SPATA16: variants seen among roughly 807,000 people sequenced by gnomAD.
SPATA16 encodes spermatogenesis-associated protein 16.
Under a neutral mutation model 63.3 loss-of-function variants are expected in SPATA16, and 36 were observed. The ratio of observed to expected loss-of-function variants is 0.57; its 90% CI spans 0.44 to 0.75. The LOEUF (loss-of-function observed/expected upper bound fraction) is 0.75. Ranked by LOEUF, SPATA16 falls within the 30% of genes least tolerant of loss-of-function variation. The probability of loss-of-function intolerance (pLI) is 0.00; values close to 1 mark genes in which losing one functional copy is unlikely to be tolerated. For synonymous variants in SPATA16, 203 were observed against 216.7 expected (o/e 0.94, Z 0.56); for missense variants, 646 against 679.3 (o/e 0.95, Z 0.54).
chr3:173,087,541 A>G (rs1737088996), intron 2 of SPATA16, among the ~76,000 whole-genome samples: 1 of 152,120 alleles, frequency 6.6e-6, no homozygotes, highest in Non-Finnish European at 1.5e-5. Flanking sequence ...TAATATTGCT[A>G]TGTGTGAATT....
intron 5 of SPATA16, among the ~76,000 whole-genome samples, chr3:172,964,942 G>C (rs1203459571): frequency 6.6e-6 from 1 of 152,292 alleles, no homozygotes; most frequent in Non-Finnish European, 1.5e-5. Flanking sequence ...TTCATCTGGA[G>C]ACAAGATTTA....
intron 2 of SPATA16, among the ~76,000 whole-genome samples, chr3:173,051,823 T>C (rs867076519): frequency 5.8e-4 from 88 of 152,186 alleles, no homozygotes; most frequent in Middle Eastern, 3.4e-3. Context: ...CTTTTTTTTT[T>C]TCTTGAGACA....
At chr3:173,098,440 A>G (rs1367068831) in intron 2 of SPATA16, among the ~76,000 whole-genome samples, 2 of 152,202 alleles carry the variant, frequency 1.3e-5, no homozygotes, top group African/African-American at 4.8e-5. Flanking sequence ...ACATTTACCA[A>G]AGCTACAATG....
chr3:173,042,995 A>G (rs1408466120), intron 3 of SPATA16, among the ~76,000 whole-genome samples: 1 of 152,120 alleles, frequency 6.6e-6, no homozygotes, highest in Non-Finnish European at 1.5e-5. Flanking sequence ...ATTAAGCATT[A>G]AAAATAGACT....
intron 3 of SPATA16, among the ~76,000 whole-genome samples, chr3:173,032,155 A>G (rs772851394): frequency 1.7e-4 from 26 of 152,146 alleles, no homozygotes; most frequent in Non-Finnish European, 1.0e-4. Context: ...AGTCAAACAG[A>G]AAACAACTCA....
chr3:172,921,993 G>A (rs1426448948), intron 8 of SPATA16, among the ~76,000 whole-genome samples: 1 of 152,178 alleles, frequency 6.6e-6, no homozygotes. Flanking sequence ...TGACAAGAAA[G>A]AAAGAACACC....
intron 6 of SPATA16, among the ~76,000 whole-genome samples, chr3:172,951,172 A>T (rs1733421194): frequency 6.6e-6 from 1 of 152,212 alleles, no homozygotes; most frequent in African/African-American, 2.4e-5. Context: ...TAAATAATAA[A>T]AATGGATAGC....
At chr3:172,891,766 T>C (rs1341342300) in intron 10 of SPATA16, among the ~76,000 whole-genome samples, 2 of 152,192 alleles carry the variant, frequency 1.3e-5, no homozygotes, top group African/African-American at 4.8e-5. Flanking sequence ...TAATGGAACA[T>C]GTCCATTAGA....
chr3:172,984,361 T>C (rs1258153252), intron 4 of SPATA16, among the ~76,000 whole-genome samples: 2 of 152,218 alleles, frequency 1.3e-5, no homozygotes, highest in Non-Finnish European at 2.9e-5. Context: ...ACACTTTGCC[T>C]ATTTAAGTGA....
At chr3:172,901,349 G>A (rs1732122934) in intron 10 of SPATA16, among the ~76,000 whole-genome samples, 1 of 152,084 alleles carries the variant, frequency 6.6e-6, no homozygotes, top group Admixed American at 6.5e-5. Context: ...ACAGGCATGT[G>A]CCATCATGCC....
intron 5 of SPATA16, among the ~76,000 whole-genome samples, chr3:172,963,950 C>A (rs1021533420): frequency 6.6e-6 from 1 of 152,142 alleles, no homozygotes; most frequent in Non-Finnish European, 1.5e-5. Context: ...AGTATAAGAT[C>A]AAGTTTTGAT....
intron 4 of SPATA16, among the ~76,000 whole-genome samples, chr3:172,991,062 A>T (rs1316145540): frequency 6.6e-6 from 1 of 152,148 alleles, no homozygotes; most frequent in African/African-American, 2.4e-5. Flanking sequence ...TCTTGATCCC[A>T]TGCTAGGGGT....
intron 4 of SPATA16, among the ~76,000 whole-genome samples, chr3:172,998,191 T>G (rs1209369947): frequency 2.6e-5 from 4 of 152,186 alleles, no homozygotes; most frequent in Non-Finnish European, 4.4e-5. Flanking sequence ...TCTCATTTAT[T>G]CAGTTCTTTG....
chr3:173,078,338 T>G (rs1736851360), intron 2 of SPATA16, among the ~76,000 whole-genome samples: 1 of 152,170 alleles, frequency 6.6e-6, no homozygotes, highest in East Asian at 1.9e-4. Flanking sequence ...GACAGGAAAT[T>G]TCTACATCTC....
chr3:173,127,675 G>A (rs1738263327), intron 1 of SPATA16, among the ~76,000 whole-genome samples: 1 of 152,238 alleles, frequency 6.6e-6, no homozygotes, highest in South Asian at 2.1e-4. Flanking sequence ...GAATAATGTT[G>A]TGTGTTTCTC....
intron 3 of SPATA16, among the ~76,000 whole-genome samples, 175 bp downstream of exon 3, chr3:173,048,774 G>A (rs1387417606): frequency 6.6e-6 from 1 of 152,092 alleles, no homozygotes; most frequent in Admixed American, 6.6e-5. Context: ...CTTCCAGTAG[G>A]TTTTGAGATT....
At chr3:173,016,005 T>G (rs1355256008) in intron 4 of SPATA16, among the ~76,000 whole-genome samples, 1 of 152,136 alleles carries the variant, frequency 6.6e-6, no homozygotes, top group Non-Finnish European at 1.5e-5. Context: ...GCTTTGCAAC[T>G]TTCTATTTCA....
intron 2 of SPATA16, among the ~76,000 whole-genome samples, chr3:173,099,226 G>C (rs975182023): frequency 2.0e-5 from 3 of 152,026 alleles, no homozygotes; most frequent in Admixed American, 6.6e-5. Context: ...AGGATATTTT[G>C]AGAGAAAGAG....
intron 1 of SPATA16, among the ~76,000 whole-genome samples, chr3:173,122,138 C>T (rs575188745): frequency 1.2e-4 from 18 of 152,128 alleles, no homozygotes; most frequent in African/African-American, 4.3e-4. Flanking sequence ...TTTAAAAAAT[C>T]GTTAGCAAAT....
Sources: gnomAD v4.1 joint callset for allele counts (sites outside exome capture counted in the v4.1 genomes callset) on GRCh38, gnomAD v4.1.1 for gene constraint, MANE v1.5 for transcripts, NCBI Gene and HGNC (gene_info 2026-07-23, HGNC 2026-07-21) for gene names.